Variants in SLC25A21 observed in about 807,000 individuals in gnomAD.
SLC25A21 encodes solute carrier family 25 member 21.
A neutral mutation model predicts 43.8 loss-of-function variants in SLC25A21; 47 were observed. The ratio of observed to expected loss-of-function variants is 1.07; its 90% confidence interval spans 0.85 to 1.37. The LOEUF (loss-of-function observed/expected upper bound fraction) is 1.37. SLC25A21 is among the 40% of genes most tolerant of loss of function. SLC25A21 has a pLI of 0.00. For missense variants in SLC25A21, 352 were observed against 350.2 expected (o/e 1.00, Z -0.04); for synonymous variants, 131 against 121.3 (o/e 1.08, Z -0.52).
At chr14:36,800,921 T>TA (rs1566626573) in intron 3 of SLC25A21, among the ~76,000 whole-genome samples, 1 of 152,186 alleles carries the variant, frequency 6.6e-6, no homozygotes, top group Non-Finnish European at 1.5e-5. Flanking sequence ...GAAAAGCCCC[T>TA]GGATGATGGT....
intron 1 of SLC25A21, among the ~76,000 whole-genome samples, chr14:36,887,041 A>G (rs1890937057): frequency 6.6e-6 from 1 of 152,170 alleles, no homozygotes; most frequent in Admixed American, 6.5e-5. Context: ...TTTTGAGTAT[A>G]TAAAATGTCT....
intron 1 of SLC25A21, among the ~76,000 whole-genome samples, chr14:37,102,094 G>A (rs1349024358): frequency 6.6e-6 from 1 of 152,088 alleles, no homozygotes; most frequent in Non-Finnish European, 1.5e-5. Flanking sequence ...TTTATTATAT[G>A]TATAAGTTAA....
intron 3 of SLC25A21, among the ~76,000 whole-genome samples, chr14:36,779,932 C>T (rs1018780902): frequency 2.6e-5 from 4 of 151,696 alleles, no homozygotes; most frequent in Admixed American, 1.3e-4. Context: ...TGTTGTAAGT[C>T]GAGCTGGCCT....
intron 1 of SLC25A21, among the ~76,000 whole-genome samples, chr14:37,022,398 AG>A (rs1961006022): frequency 1.3e-5 from 2 of 152,022 alleles, no homozygotes; most frequent in South Asian, 4.1e-4. Context: ...TAGTGAGAAT[AG>A]GAACAGAGAC....
At chr14:36,761,999 T>C (rs530611149) in intron 3 of SLC25A21, among the ~76,000 whole-genome samples, 5 of 152,314 alleles carry the variant, frequency 3.3e-5, no homozygotes, top group Admixed American at 3.3e-4. Context: ...ATTCATTTTA[T>C]CTTGTCAAAA....
Position 37,172,541 on chromosome 14 carries a change from G to T in SLC25A21, c.-191C>A. On this transcript the variant is annotated 5_prime_UTR_variant, in exon 1 of 10. Coordinates refer to ENST00000331299, the MANE Select transcript of SLC25A21 (RefSeq NM_030631.4). ...AGATTCGTCGCGCGATCTCCGGCGCGTCGGAACCTGTTCGCAGCGCTCTCG... is the reference window on the plus strand; with the variant it reads ...AGATTCGTCGCGCGATCTCCGGCGCTTCGGAACCTGTTCGCAGCGCTCTCG... 1.4e-6 allele frequency: 1 copy of T among 725,158 alleles called. No individual in the cohort carries two copies. The highest frequency in any genetic ancestry group is 1.5e-5 in the South Asian group (1 of 67,156). 44.9% of individuals were successfully genotyped at this position (725,158 alleles called of 1,614,324 possible). A position where few individuals can be genotyped will look rare whatever the true frequency, so the allele number is the denominator to read the frequency against.
intron 1 of SLC25A21, among the ~76,000 whole-genome samples, chr14:37,145,620 T>A (rs1963652117): frequency 6.6e-6 from 1 of 152,052 alleles, no homozygotes; most frequent in Non-Finnish European, 1.5e-5. Flanking sequence ...GACTCAGATA[T>A]CCCTGAGGGC....
At chr14:36,843,280 T>G (rs1889441995) in intron 2 of SLC25A21, among the ~76,000 whole-genome samples, 1 of 152,110 alleles carries the variant, frequency 6.6e-6, no homozygotes, top group African/African-American at 2.4e-5. Flanking sequence ...GAAGATATAT[T>G]TGGCAATGGG....
chr14:36,960,044 G>A (rs1381365163), intron 1 of SLC25A21, among the ~76,000 whole-genome samples: 1 of 152,210 alleles, frequency 6.6e-6, no homozygotes, highest in African/African-American at 2.4e-5. Flanking sequence ...AATGAGATGA[G>A]GTGGGCATGA....
chr14:36,740,401 G>C (rs1323568004), intron 3 of SLC25A21, among the ~76,000 whole-genome samples: 1 of 152,168 alleles, frequency 6.6e-6, no homozygotes, highest in African/African-American at 2.4e-5. Context: ...ACTAGATTGT[G>C]ATGGTTTATA....
chr14:36,961,116 A>AT (rs1267310638), intron 1 of SLC25A21, among the ~76,000 whole-genome samples: 3 of 129,174 alleles, frequency 2.3e-5, no homozygotes, highest in Non-Finnish European at 5.3e-5. Flanking sequence ...ACCACAATCA[A>AT]TTAAAAAAGC....
intron 1 of SLC25A21, among the ~76,000 whole-genome samples, chr14:37,151,031 CT>C (rs1407149303): frequency 2.0e-5 from 3 of 152,072 alleles, no homozygotes; most frequent in Admixed American, 6.6e-5. Flanking sequence ...CTCTCTCTCT[CT>C]CTCTCTTTCT....
chr14:36,726,050 C>T (rs1884589438), intron 5 of SLC25A21, among the ~76,000 whole-genome samples: 1 of 152,172 alleles, frequency 6.6e-6, no homozygotes, highest in Non-Finnish European at 1.5e-5. Flanking sequence ...TTTTAAACAT[C>T]TACTTAAATT....
At chr14:36,911,183 A>G (rs1891676992) in intron 1 of SLC25A21, among the ~76,000 whole-genome samples, 1 of 152,184 alleles carries the variant, frequency 6.6e-6, no homozygotes, top group Non-Finnish European at 1.5e-5. Flanking sequence ...CACTACCACT[A>G]CTGAAACTGG....
At chr14:37,026,528 T>C (rs1338524934) in intron 1 of SLC25A21, among the ~76,000 whole-genome samples, 1 of 151,912 alleles carries the variant, frequency 6.6e-6, no homozygotes, top group Non-Finnish European at 1.5e-5. Context: ...ATGTAGCTTA[T>C]ACCCCAACCC....
intron 3 of SLC25A21, among the ~76,000 whole-genome samples, chr14:36,798,811 A>G (rs1887763008): frequency 6.6e-6 from 1 of 152,116 alleles, no homozygotes; most frequent in African/African-American, 2.4e-5. Flanking sequence ...AGAAATATTT[A>G]ATAATGGGAT....
intron 1 of SLC25A21, among the ~76,000 whole-genome samples, chr14:37,020,084 G>C (rs1377688503): frequency 6.6e-6 from 1 of 151,798 alleles, no homozygotes; most frequent in Non-Finnish European, 1.5e-5. Context: ...ACATTCTAAA[G>C]TTAAACTCTT....
At chr14:36,842,592 A>G (rs1450561785) in intron 2 of SLC25A21, among the ~76,000 whole-genome samples, 4 of 152,240 alleles carry the variant, frequency 2.6e-5, no homozygotes, top group Admixed American at 1.3e-4. Context: ...TGAGTTGCCT[A>G]TTATTTGCAG....
intron 1 of SLC25A21, among the ~76,000 whole-genome samples, chr14:37,096,675 T>C (rs1280176146): frequency 2.0e-5 from 3 of 152,208 alleles, no homozygotes; most frequent in Non-Finnish European, 4.4e-5. Context: ...TTTCAGTTTG[T>C]CAACTGAATT....
Sources: gnomAD v4.1 joint callset for allele counts (sites outside exome capture counted in the v4.1 genomes callset) on GRCh38, gnomAD v4.1.1 for gene constraint, MANE v1.5 for transcripts, NCBI Gene and HGNC (gene_info 2026-07-23, HGNC 2026-07-21) for gene names.